PRDM15: variants seen among roughly 807,000 people sequenced by gnomAD.
PRDM15 encodes PR/SET domain 15, also known as PR domain zinc finger protein 15.
In PRDM15, 64 loss-of-function variants were observed where a neutral mutation model predicts 128.6. The observed-to-expected ratio is 0.50, with a 90% CI of 0.41 to 0.61. The LOEUF is 0.61. Ranked by LOEUF, PRDM15 falls within the 20% of genes least tolerant of loss-of-function variation. The probability of loss-of-function intolerance (pLI) is 0.00; values close to 1 mark genes in which losing one functional copy is unlikely to be tolerated. For missense variants in PRDM15, 1,242 were observed against 1,569.1 expected, an observed-to-expected ratio of 0.79 and a Z score of 3.52; for synonymous variants, 615 against 621.8, an observed-to-expected ratio of 0.99 and a Z score of 0.16.
chr21:41,844,481 GAC>G (rs551405772), intron 6 of PRDM15, among the ~76,000 whole-genome samples: 5 of 36,710 alleles, frequency 1.4e-4, no homozygotes, highest in African/African-American at 1.1e-4. Context: ...CCCTCACAGG[GAC>G]ACACACACAG....
At chr21:41,815,221 T>A (rs1464902863) in intron 19 of PRDM15, among the ~76,000 whole-genome samples, 1 of 152,216 alleles carries the variant, frequency 6.6e-6, no homozygotes, top group East Asian at 1.9e-4. Flanking sequence ...ACCGACTCCT[T>A]TCTATGCACA....
chr21:41,823,016 C>T (rs910479969), intron 14 of PRDM15, among the ~76,000 whole-genome samples: 29 of 139,908 alleles, frequency 2.1e-4, no homozygotes, highest in Admixed American at 1.3e-3. Flanking sequence ...GGCGACAGAA[C>T]GAGACTCCGT....
intron 4 of PRDM15, among the ~76,000 whole-genome samples, chr21:41,855,511 C>T (rs947216984): frequency 6.6e-6 from 1 of 152,194 alleles, no homozygotes; most frequent in Non-Finnish European, 1.5e-5. Flanking sequence ...CCTAGAGAGG[C>T]CTCTCCAAAG....
At chr21:41,803,031 T>C (rs2061459273) in intron 22 of PRDM15, 110 bp from the exon 23 acceptor site, 1 of 823,348 alleles carries the variant, frequency 1.2e-6, no homozygotes, top group Non-Finnish European at 2.1e-6. Flanking sequence ...GTGGGGACGC[T>C]TGTGGGCCAC....
chr21:41,821,305 C>G lies in PRDM15; in HGVS notation c.1897-75G>C. 2 of 1,566,798 alleles carry G rather than the reference C, an allele frequency of 1.3e-6. No homozygotes were observed. The highest frequency in any genetic ancestry group is 1.7e-6 in the Non-Finnish European group (2 of 1,147,772). On this transcript the variant is annotated intron_variant, in intron 15 of 23. Coordinates refer to ENST00000398548, the MANE Select transcript of PRDM15 (RefSeq NM_001040424.3). This position sits in a 1 kb window ranked among gnomAD's most constrained non-coding sequence, Gnocchi z 5.4. ...GTCCTCTTAGCTAATGAGGTCGTGT[C>G]CACAAACCAGGGCACCCGACACGCC...
At chr21:41,852,290 G>A (rs901717309) in intron 5 of PRDM15, among the ~76,000 whole-genome samples, 13 of 152,270 alleles carry the variant, frequency 8.5e-5, no homozygotes, top group Non-Finnish European at 1.8e-4. Flanking sequence ...CCCAAACCCC[G>A]GCGTGGCTGC....
Position 41,810,544 on chromosome 21 carries a change from C to G in PRDM15, c.2476+209G>C. ...TGCCAGCAGCAGCTGCATCACGGAA[C>G]CAATATGAGAAAATTCAAGAAGGGA... On this transcript the variant is annotated intron_variant, in intron 20 of 23. Transcript: ENST00000398548. This position sits in a 1 kb window ranked among gnomAD's most constrained non-coding sequence, Gnocchi z 6.4. 1.5e-6 allele frequency: 1 copy of G among 646,656 alleles called. No homozygotes were observed. The highest frequency in any genetic ancestry group is 1.9e-5 in the South Asian group (1 of 51,844). The allele number at this position is 646,656 out of a possible 1,614,324, so 40.1% of individuals were successfully genotyped here.
intron 12 of PRDM15, among the ~76,000 whole-genome samples, chr21:41,827,039 C>T: frequency 6.6e-6 from 1 of 152,158 alleles, no homozygotes. Context: ...TCTGGTGCAA[C>T]CATCACAGCA....
At chr21:41,835,203 C>T (rs1463193589) in intron 11 of PRDM15, among the ~76,000 whole-genome samples, 1 of 152,200 alleles carries the variant, frequency 6.6e-6, no homozygotes, top group East Asian at 1.9e-4. Context: ...CCATACGCAG[C>T]TCGGCTGACA....
At chr21:41,819,860 G>A (rs751276557) in intron 17 of PRDM15, 159 bp from the exon 18 acceptor site, 79 of 954,244 alleles carry the variant, frequency 8.3e-5, no homozygotes, top group Non-Finnish European at 1.1e-4. Flanking sequence ...GAGCCCTCCC[G>A]GGGATCCTGT....
In PRDM15 at chr21:41,828,141, G is replaced by C. The variant is rs1007466675; in HGVS notation, c.1534+25C>G. 8.7e-6 allele frequency: 14 copies of C among 1,610,128 alleles called. No individual in the cohort carries two copies. Among genetic ancestry groups the C allele is most frequent in the Non-Finnish European group, 1.2e-5 (14 of 1,178,814 alleles). ...CCGCAGGAGCTGCCTCTCCCCGCCC[G>C]CAGCAGGTGCGCAGGCGGCCTCACC... is the stretch of plus-strand genomic sequence containing the variant. On this transcript the variant is annotated intron_variant, in intron 12 of 23. Transcript: ENST00000398548. The surrounding 1 kb of genome is among the most constrained non-coding windows in gnomAD (Gnocchi z 5.7).
At chr21:41,819,164 A>G (rs747630951) in intron 18 of PRDM15, among the ~76,000 whole-genome samples, 6 of 152,246 alleles carry the variant, frequency 3.9e-5, no homozygotes, top group Non-Finnish European at 8.8e-5. Context: ...TGCTGCCTCG[A>G]GTCCTTCTTT....
rs569685927 is a variant in PRDM15, at chr21:41,831,439, C to T, written c.1367-3106G>A. On this transcript the variant is annotated intron_variant, in intron 11 of 23. Coordinates refer to ENST00000398548, the MANE Select transcript of PRDM15 (RefSeq NM_001040424.3). ...CGTCCCTTGGGGCAAACGCCCTCCA[C>T]TCTCCACCCCCGCCAGGTAGAGATT... Among the ~76,000 whole-genome samples, 116 of 152,242 alleles carry T rather than the reference C, an allele frequency of 7.6e-4. 1 individual carries two copies. Among genetic ancestry groups the T allele is most frequent in the Non-Finnish European group, 1.0e-3 (68 of 68,038 alleles).
intron 4 of PRDM15, among the ~76,000 whole-genome samples, chr21:41,855,462 TC>T (rs2063550279): frequency 6.6e-6 from 1 of 152,166 alleles, no homozygotes; most frequent in Non-Finnish European, 1.5e-5. Flanking sequence ...GGTCTCTTCC[TC>T]CCTGCAGGAA....
Position 41,857,349 on chromosome 21 carries a change from A to C in PRDM15, c.132-20T>G. Reference sequence around the variant, plus strand: ...GATGACCTGGAAATGGAATAAAACAAGACTCAAAAGAGAGCACTCACACCC... The same window carrying C: ...GATGACCTGGAAATGGAATAAAACACGACTCAAAAGAGAGCACTCACACCC... On this transcript the variant is annotated intron_variant, in intron 3 of 23. Coordinates refer to ENST00000398548, the MANE Select transcript of PRDM15 (RefSeq NM_001040424.3). 1.2e-6 allele frequency: 2 copies of C among 1,613,116 alleles called. No homozygotes were observed. The highest frequency in any genetic ancestry group is 1.7e-6 in the Non-Finnish European group (2 of 1,179,780).
At chr21:41,806,379 TCACCAC>T (rs1197683287) in intron 21 of PRDM15, among the ~76,000 whole-genome samples, 1 of 9,244 alleles carries the variant, frequency 1.1e-4, no homozygotes. Context: ...ACTACCACCA[TCACCAC>T]CACCACCATC....
At position 41,832,852 on chromosome 21, in the gene PRDM15, G is replaced by A. The variant is rs183178480; in HGVS notation, c.1366+2585C>T. Among the ~76,000 whole-genome samples, 39 of 152,304 alleles carry A rather than the reference G, an allele frequency of 2.6e-4. No individual in the cohort carries two copies. Among genetic ancestry groups the A allele is most frequent in the African/African-American group, 8.9e-4 (37 of 41,558 alleles). On this transcript the variant is annotated intron_variant, in intron 11 of 23. Coordinates refer to ENST00000398548, the MANE Select transcript of PRDM15 (RefSeq NM_001040424.3). The surrounding 1 kb of genome is among the most constrained non-coding windows in gnomAD (Gnocchi z 4.2). The stretch of plus-strand genomic sequence containing the variant: ...CAAGCCCCTCGTGACCATGGAAAGA[G>A]AACCTACTTCAGGCCACTCCCCAGC...
rs563217227 is a variant in PRDM15 at position 41,809,110 on chromosome 21, C to A, written c.2652+1044G>T. On this transcript the variant is annotated intron_variant, in intron 21 of 23. Coordinates refer to ENST00000398548, the MANE Select transcript of PRDM15 (RefSeq NM_001040424.3). ...TGTTTTTCACCACGGCTGTTCTTCC[C>A]GCATGAGCTCCCTCTCCGTGTACAC... is the stretch of plus-strand genomic sequence containing the variant. Among the ~76,000 whole-genome samples the A allele has an allele frequency of 1.3e-3, 201 of 152,334 alleles. 3 individuals are homozygous for A. Among genetic ancestry groups the A allele is most frequent in the African/African-American group, 4.6e-3 (193 of 41,572 alleles).
chr21:41,847,827 C>T (rs1011085347), intron 5 of PRDM15, among the ~76,000 whole-genome samples: 3 of 152,370 alleles, frequency 2.0e-5, no homozygotes, highest in East Asian at 3.9e-4. Flanking sequence ...CCAGGAAGCA[C>T]CTCTATCCCT....
Sources: allele counts gnomAD v4.1 joint callset (sites outside exome capture counted in the v4.1 genomes callset), GRCh38; gene constraint gnomAD v4.1.1; non-coding constraint Gnocchi (gnomAD v3.1); transcripts MANE v1.5; gene names NCBI Gene and HGNC (gene_info 2026-07-23, HGNC 2026-07-21).